The following ALK variants were observed in gnomAD, a reference collection of about 807,000 sequenced individuals.
ALK encodes the protein ALK tyrosine kinase receptor.
ALK carries 74 observed loss-of-function variants against 163.1 expected under a neutral mutation model. That is an observed-to-expected ratio of 0.45 (90% confidence interval 0.38 to 0.55). ALK has a LOEUF of 0.55. Ranked by LOEUF, ALK falls within the 20% of genes least tolerant of loss-of-function variation. The pLI, the probability that ALK is intolerant of heterozygous loss-of-function variation, is 0.00. For missense variants in ALK, 2,063 were observed against 2,105.3 expected (o/e 0.98, Z 0.39); for synonymous variants, 960 against 843.2 (o/e 1.14, Z -2.40).
chr2:29,819,896 G>A (rs926162206), intron 1 of ALK, among the ~76,000 whole-genome samples: 1 of 152,092 alleles, frequency 6.6e-6, no homozygotes, highest in African/African-American at 2.4e-5. Flanking sequence ...TGTCTTTCTT[G>A]GGTTTGGGCC....
chr2:29,694,800 C>G (rs368582116), intron 3 of ALK, 50 bp downstream of exon 3: 27 of 1,609,200 alleles, frequency 1.7e-5, no homozygotes, highest in Non-Finnish European at 1.9e-5. Context: ...AATAGGTATT[C>G]CAGCCTGGCC....
At chr2:29,850,077 C>T (rs1036355248) in intron 1 of ALK, among the ~76,000 whole-genome samples, 1 of 152,110 alleles carries the variant, frequency 6.6e-6, no homozygotes, top group African/African-American at 2.4e-5. Flanking sequence ...TACCAAAATG[C>T]CCATTGACAG....
chr2:29,553,733 C>G (rs1673773605), intron 3 of ALK, among the ~76,000 whole-genome samples: 1 of 152,226 alleles, frequency 6.6e-6, no homozygotes, highest in Admixed American at 6.5e-5. Flanking sequence ...ACGGCAGTAC[C>G]TGTTTCATTG....
intron 9 of ALK, among the ~76,000 whole-genome samples, chr2:29,283,872 G>A (rs1024169243): frequency 6.6e-6 from 1 of 152,142 alleles, no homozygotes; most frequent in East Asian, 1.9e-4. Flanking sequence ...TTTGAGCAGA[G>A]ATTATCTGCG....
At position 29,600,346 on chromosome 2, in the gene ALK, T is replaced by G. The variant is rs142735455; in HGVS notation, c.953-68230A>C. Among the ~76,000 whole-genome samples the G allele has an allele frequency of 1.6e-4, 24 of 152,158 alleles. No individual in the cohort carries two copies. In the East Asian group the frequency reaches 3.7e-3, roughly 23 times the overall value. ...TTGGCTCTTAAACAAGTATCTTTAC[T>G]CAAAGAGATAAAGGACGTAATAACA... On this transcript the variant is annotated intron_variant, in intron 3 of 28. Coordinates refer to ENST00000389048, the MANE Select transcript of ALK (RefSeq NM_004304.5).
chr2:29,624,439 G>GGGAAGGCTCCTCC (rs1676133490), intron 3 of ALK, among the ~76,000 whole-genome samples: 1 of 152,008 alleles, frequency 6.6e-6, no homozygotes, highest in Non-Finnish European at 1.5e-5. Flanking sequence ...GGACACAGCT[G>GGGAAGGCTCCTCC]GGGAAGGCTC....
chr2:29,610,906 C>T (rs1675672688), intron 3 of ALK, among the ~76,000 whole-genome samples: 1 of 152,192 alleles, frequency 6.6e-6, no homozygotes, highest in African/African-American at 2.4e-5. Flanking sequence ...GTTGCTGACA[C>T]TGTACTTCCT....
intron 25 of ALK, among the ~76,000 whole-genome samples, chr2:29,209,435 G>T (rs1200820581): frequency 6.6e-6 from 1 of 151,510 alleles, no homozygotes; most frequent in Non-Finnish European, 1.5e-5. Flanking sequence ...CCAGCTACTC[G>T]AGAAGCTGAG....
intron 24 of ALK, among the ~76,000 whole-genome samples, chr2:29,210,282 A>G (rs1200258237): frequency 6.6e-6 from 1 of 152,230 alleles, no homozygotes; most frequent in African/African-American, 2.4e-5. Flanking sequence ...AAAGTAGATA[A>G]CATAGGGCCA....
intron 1 of ALK, among the ~76,000 whole-genome samples, chr2:29,864,156 A>G (rs892878067): frequency 6.6e-6 from 1 of 152,204 alleles, no homozygotes; most frequent in Non-Finnish European, 1.5e-5. Flanking sequence ...CTGGGATTCA[A>G]TCCAGAACTG....
chr2:29,551,772 G>C (rs1182058590), intron 3 of ALK, among the ~76,000 whole-genome samples: 1 of 151,988 alleles, frequency 6.6e-6, no homozygotes, highest in Admixed American at 6.6e-5. Flanking sequence ...GGTAACTCTG[G>C]AGGTTAGAAT....
intron 3 of ALK, among the ~76,000 whole-genome samples, chr2:29,685,640 T>TGGCCCTGGCCCC (rs1230974877): frequency 1.3e-5 from 2 of 152,060 alleles, no homozygotes; most frequent in Non-Finnish European, 2.9e-5. Flanking sequence ...GCCCTGGCCC[T>TGGCCCTGGCCCC]GGCCCTGGCC....
chr2:29,665,610 G>GACC (rs1677491229), intron 3 of ALK, among the ~76,000 whole-genome samples: 1 of 151,706 alleles, frequency 6.6e-6, no homozygotes, highest in African/African-American at 2.4e-5. Flanking sequence ...GTTGAAAGGG[G>GACC]GCCTATGCAG....
chr2:29,747,411 TACTC>T (rs1250355249), intron 1 of ALK, among the ~76,000 whole-genome samples: 2 of 152,232 alleles, frequency 1.3e-5, no homozygotes, highest in African/African-American at 4.8e-5. Flanking sequence ...TGAATGAGTT[TACTC>T]ACACCAATAA....
rs573734451 is a variant in ALK at position 29,443,473 on chromosome 2, T to C, written c.1155-59614A>G. The stretch of plus-strand genomic sequence containing the variant: ...ACTCATCTACTTGCCACCGAGTCTT[T>C]CTTTGGTCTTTTGGCTCCCTTCCAG... On this transcript the variant is annotated intron_variant, in intron 4 of 28. Coordinates refer to ENST00000389048, the MANE Select transcript of ALK (RefSeq NM_004304.5). Among the ~76,000 whole-genome samples the C allele has an allele frequency of 2.6e-5, 4 of 152,308 alleles. No homozygotes were observed. The South Asian group carries it at 8.3e-4, about 32-fold the overall frequency.
In ALK at chr2:29,318,399, C is replaced by A. The variant is rs1666897900; in HGVS notation, c.1552G>T (p.Ala518Ser). Residue 518 changes from alanine to serine, a missense_variant, in exon 8 of 29, where the codon GCT (alanine) becomes TCT (serine). Ala to Ser is a moderately conservative substitution (Grantham distance 99, BLOSUM62 1). Around this residue, in one of 5 missense-constraint regions of ALK, gnomAD observed 987 missense variants for 939.5 expected, o/e 1.05. Transcript: ENST00000389048. ...DARFQDHQDH[A>S]LLLSTTDVPA... ...ACATCAGTGGTACTGAGCAATAGAG[C>A]ATGGTCTAGGAGAGAGGAAAAGAAT... 1 of 1,611,200 alleles carries A rather than the reference C, an allele frequency of 6.2e-7. No homozygotes were observed. Among genetic ancestry groups the A allele is most frequent in the Non-Finnish European group, 8.5e-7 (1 of 1,177,356 alleles).
chr2:29,516,608 G>A (rs1672673098), intron 4 of ALK, among the ~76,000 whole-genome samples: 1 of 152,190 alleles, frequency 6.6e-6, no homozygotes, highest in Non-Finnish European at 1.5e-5. Context: ...TTCTGGAGGG[G>A]TCACATCATA....
In ALK at chr2:29,761,861, G is replaced by A. The variant is rs1484159467; in HGVS notation, c.668-44164C>T. Among the ~76,000 whole-genome samples, 4 of 152,198 alleles carry A rather than the reference G, an allele frequency of 2.6e-5. 1 individual carries two copies. Among genetic ancestry groups the A allele is most frequent in the East Asian group, 1.9e-4 (1 of 5,198 alleles). ...CAGAAGCTTAGAAGGACTCCAAGCC[G>A]GAGGCAAGGAGAATACAACGTATAT... On this transcript the variant is annotated intron_variant, in intron 1 of 28. Transcript: ENST00000389048.
At chr2:29,904,269 G>A (rs538823455) in intron 1 of ALK, among the ~76,000 whole-genome samples, 44 of 152,228 alleles carry the variant, frequency 2.9e-4, no homozygotes, top group African/African-American at 8.9e-4. Context: ...AGATTCGCTG[G>A]TTCAATATGG....
Sources: allele counts gnomAD v4.1 joint callset (sites outside exome capture counted in the v4.1 genomes callset), GRCh38; gene constraint gnomAD v4.1.1; regional missense constraint gnomAD v4.1.1; transcripts MANE v1.5; gene names NCBI Gene and HGNC (gene_info 2026-07-23, HGNC 2026-07-21).